The following CPA6 variants were observed in gnomAD, a reference collection of about 807,000 sequenced individuals.
CPA6 encodes the protein carboxypeptidase B.
A neutral mutation model predicts 63.3 loss-of-function variants in CPA6; 58 were observed. The ratio of observed to expected loss-of-function variants is 0.92; its 90% confidence interval spans 0.74 to 1.14. The LOEUF (loss-of-function observed/expected upper bound fraction) is 1.14, where lower values mean the gene tolerates loss of function less well. CPA6 is among the 50% of genes most tolerant of loss of function. CPA6 has a pLI of 0.00. For synonymous variants in CPA6, 185 were observed against 179.0 expected, an observed-to-expected ratio of 1.03 and a Z score of -0.27; for missense variants, 565 against 526.6, an observed-to-expected ratio of 1.07 and a Z score of -0.71.
At chr8:67,685,849 C>G (rs181038474) in intron 1 of CPA6, among the ~76,000 whole-genome samples, 2 of 152,292 alleles carry the variant, frequency 1.3e-5, no homozygotes, top group East Asian at 3.9e-4. Context: ...GAATGTTCTT[C>G]CAGTTATAGA....
At chr8:67,627,306 T>G (rs1815214379) in intron 1 of CPA6, among the ~76,000 whole-genome samples, 1 of 152,212 alleles carries the variant, frequency 6.6e-6, no homozygotes, top group Non-Finnish European at 1.5e-5. Flanking sequence ...TAGTGTTTTT[T>G]GAAGTGGTGA....
At chr8:67,456,315 A>G (rs983578251) in intron 8 of CPA6, among the ~76,000 whole-genome samples, 1 of 152,208 alleles carries the variant, frequency 6.6e-6, no homozygotes, top group Admixed American at 6.5e-5. Flanking sequence ...ATCCCTCTCA[A>G]ATTGGCTTCT....
chr8:67,591,151 C>G (rs571946250), intron 2 of CPA6, among the ~76,000 whole-genome samples: 181 of 152,176 alleles, frequency 1.2e-3, no homozygotes, highest in African/African-American at 4.3e-3. Context: ...GAATCCTTTC[C>G]CCATTGCTTG....
chr8:67,581,420 C>T (rs992909523), intron 2 of CPA6, among the ~76,000 whole-genome samples: 3 of 152,082 alleles, frequency 2.0e-5, no homozygotes, highest in African/African-American at 7.2e-5. Context: ...ACATGGTAGT[C>T]AAAGTATATG....
At chr8:67,720,542 C>A (rs189660149) in intron 1 of CPA6, among the ~76,000 whole-genome samples, 3 of 152,226 alleles carry the variant, frequency 2.0e-5, no homozygotes, top group Admixed American at 2.0e-4. Flanking sequence ...CGAACTGTCA[C>A]CTAAGCATCA....
At chr8:67,525,311 C>T (rs1812338878) in intron 2 of CPA6, among the ~76,000 whole-genome samples, 1 of 152,086 alleles carries the variant, frequency 6.6e-6, no homozygotes, top group African/African-American at 2.4e-5. Context: ...GTTGTTTTGT[C>T]ATTAAAGAAA....
In CPA6 at chr8:67,537,403, T is replaced by G. The variant is rs138070691; in HGVS notation, c.193-19356A>C. On this transcript the variant is annotated intron_variant, in intron 2 of 10. Coordinates refer to ENST00000297770, the MANE Select transcript of CPA6 (RefSeq NM_020361.5). ...TATTGGTCTATTTAGGCATTTGACTTCTTCCTGGTTTAGTCTTGGGAGGGT... is the reference window on the plus strand; with the variant it reads ...TATTGGTCTATTTAGGCATTTGACTGCTTCCTGGTTTAGTCTTGGGAGGGT... Among the ~76,000 whole-genome samples the G allele has an allele frequency of 3.0e-3, 459 of 152,334 alleles. 1 individual carries two copies. Among genetic ancestry groups the G allele is most frequent in the Non-Finnish European group, 5.3e-3 (361 of 68,022 alleles).
rs73693860 is a variant in CPA6, at chr8:67,479,982, T to C, written c.838+3786A>G. 8.4e-3 allele frequency among the ~76,000 whole-genome samples: 1,273 copies of C among 152,056 alleles called. 16 individuals carry two copies. Among genetic ancestry groups the C allele is most frequent in the African/African-American group, 0.028 (1,143 of 41,492 alleles). On this transcript the variant is annotated intron_variant, in intron 8 of 10. Coordinates refer to ENST00000297770, the MANE Select transcript of CPA6 (RefSeq NM_020361.5). ...AGCCCCCGGCTCCACTTTTTTTTTT[T>C]TGGATAGAGTGGGAGGGTGGTGGTC...
rs190952876 is a variant in CPA6 at position 67,571,726 on chromosome 8, T to C, written c.192+52450A>G. Among the ~76,000 whole-genome samples, 3 of 152,154 alleles carry C rather than the reference T, an allele frequency of 2.0e-5. No homozygotes were observed. In the East Asian group the frequency reaches 5.8e-4, roughly 29 times the overall value. On this transcript the variant is annotated intron_variant, in intron 2 of 10. Transcript: ENST00000297770. ...GAGGAAAGTTTGTAGCAAAAACGCCTACATCAAAAGAGAAGAATGTTTGCA... is the reference window on the plus strand; with the variant it reads ...GAGGAAAGTTTGTAGCAAAAACGCCCACATCAAAAGAGAAGAATGTTTGCA...
At chr8:67,481,402 GTGATATTCAT>G (rs532498698) in intron 8 of CPA6, among the ~76,000 whole-genome samples, 9 of 152,324 alleles carry the variant, frequency 5.9e-5, no homozygotes, top group Middle Eastern at 3.4e-3. Context: ...TTTCAGACCA[GTGATATTCAT>G]CTTATGGGTG....
chr8:67,520,204 A>G (rs1215850774), intron 2 of CPA6, among the ~76,000 whole-genome samples: 7 of 152,312 alleles, frequency 4.6e-5, no homozygotes, highest in Non-Finnish European at 2.9e-5. Flanking sequence ...CTAAAATAAT[A>G]TGAATTACCA....
chr8:67,718,424 G>C (rs534656294), intron 1 of CPA6, among the ~76,000 whole-genome samples: 1 of 152,238 alleles, frequency 6.6e-6, no homozygotes, highest in East Asian at 1.9e-4. Context: ...TATGCCTGTT[G>C]CCTCATTCAC....
intron 8 of CPA6, among the ~76,000 whole-genome samples, chr8:67,439,444 C>G (rs1268329359): frequency 6.6e-6 from 1 of 151,964 alleles, no homozygotes; most frequent in African/African-American, 2.4e-5. Flanking sequence ...AAAAAATTAG[C>G]CAGGTATGGT....
intron 2 of CPA6, among the ~76,000 whole-genome samples, chr8:67,572,287 A>G (rs1195685569): frequency 2.0e-5 from 3 of 152,184 alleles, no homozygotes; most frequent in Admixed American, 6.5e-5. Flanking sequence ...GGTGGGCTCA[A>G]TGGCAGGTGC....
chr8:67,651,889 C>T (rs924530866), intron 1 of CPA6, among the ~76,000 whole-genome samples: 2 of 152,008 alleles, frequency 1.3e-5, no homozygotes, highest in Non-Finnish European at 1.5e-5. Context: ...CTATCCCTCC[C>T]CCCTGCCCCC....
At chr8:67,542,806 A>G (rs1375014657) in intron 2 of CPA6, among the ~76,000 whole-genome samples, 1 of 152,152 alleles carries the variant, frequency 6.6e-6, no homozygotes, top group Non-Finnish European at 1.5e-5. Flanking sequence ...TTCTCACTCT[A>G]GGCTCAGCTT....
chr8:67,631,782 T>C (rs1815337753), intron 1 of CPA6, among the ~76,000 whole-genome samples: 1 of 152,272 alleles, frequency 6.6e-6, no homozygotes, highest in East Asian at 1.9e-4. Flanking sequence ...GATCTGCAGC[T>C]TCACTCCTGT....
intron 2 of CPA6, among the ~76,000 whole-genome samples, chr8:67,546,898 C>T (rs1812828603): frequency 6.6e-6 from 1 of 152,074 alleles, no homozygotes; most frequent in Non-Finnish European, 1.5e-5. Flanking sequence ...CATTACAGCT[C>T]ACGGTGGCCT....
At chr8:67,510,938 G>T (rs111490369) in intron 4 of CPA6, among the ~76,000 whole-genome samples, 103 of 152,296 alleles carry the variant, frequency 6.8e-4, no homozygotes, top group African/African-American at 2.4e-3. Flanking sequence ...GGTGTTGGTG[G>T]AGGAGGGGTT....
Sources: gnomAD v4.1 joint callset for allele counts (sites outside exome capture counted in the v4.1 genomes callset) on GRCh38, gnomAD v4.1.1 for gene constraint, MANE v1.5 for transcripts, NCBI Gene and HGNC (gene_info 2026-07-23, HGNC 2026-07-21) for gene names.